The following XKR5 variants were observed in gnomAD, a reference collection of about 807,000 sequenced individuals.
The protein encoded by XKR5 is XK-related protein 5.
XKR5 carries 46 observed loss-of-function variants against 40.8 expected under a neutral mutation model. The observed-to-expected ratio is 1.13, with a 90% CI of 0.89 to 1.44. XKR5 has a LOEUF of 1.44. Among genes scored for constraint, XKR5 ranks in the 40% most tolerant of loss-of-function variants. The pLI, the probability that XKR5 is intolerant of heterozygous loss-of-function variation, is 0.00. For missense variants in XKR5, 1,169 were observed against 844.7 expected, an observed-to-expected ratio of 1.38 and a Z score of -4.76; for synonymous variants, 466 against 356.1, an observed-to-expected ratio of 1.31 and a Z score of -3.48.
intron 5 of XKR5, among the ~76,000 whole-genome samples, chr8:6,821,444 T>C (rs1279503865): frequency 1.3e-5 from 2 of 152,192 alleles, no homozygotes; most frequent in East Asian, 3.8e-4. Context: ...CTCAAAGCAA[T>C]CTGAAGAAGT....
chr8:6,826,662 C>G, intron 2 of XKR5, among the ~76,000 whole-genome samples: 1 of 152,114 alleles, frequency 6.6e-6, no homozygotes, highest in Middle Eastern at 3.2e-3. Flanking sequence ...ATGGGTGGAG[C>G]CCCCATAAGG....
chr8:6,829,050 C>T (rs924862841), intron 2 of XKR5: 22 of 152,424 alleles, frequency 1.4e-4, no homozygotes, highest in African/African-American at 5.3e-4. Flanking sequence ...TCGCAACAGC[C>T]TTCAAGCCTC....
At position 6,835,457 on chromosome 8, in the gene XKR5, G is replaced by A; in HGVS notation, c.37C>T (p.Gln13Ter). The change falls in exon 1 of 7, where the codon CAG becomes TAG. Residue 13 changes from glutamine (Q) to a stop codon, truncating the protein, a stop_gained. Coordinates refer to ENST00000618742, the MANE Select transcript of XKR5 (RefSeq NM_207411.5). LOFTEE classifies it high-confidence loss of function. ...TCACGCGCGCTCTGCTCGGCCGCCT[G>A]CAGCAGGGCCGAGAGCCCCAGGAGC... is the stretch of plus-strand genomic sequence containing the variant. ...ARLLGLSALL[Q>*]AAEQSARLYT... The A allele has an allele frequency of 6.7e-7, 1 of 1,498,852 alleles. No individual in the cohort carries two copies. The highest frequency in any genetic ancestry group is 8.8e-7 in the Non-Finnish European group (1 of 1,131,450). The allele number at this position is 1,498,852 out of a possible 1,614,324, so 92.8% of individuals were successfully genotyped here.
intron 2 of XKR5, among the ~76,000 whole-genome samples, chr8:6,828,781 T>G (rs1249596563): frequency 6.6e-6 from 1 of 152,200 alleles, no homozygotes; most frequent in Non-Finnish European, 1.5e-5. Context: ...ATTATTCCTT[T>G]GCTCAAACCC....
intron 3 of XKR5, 78 bp from the exon 4 acceptor site, chr8:6,823,808 A>C: frequency 8.1e-7 from 1 of 1,239,944 alleles, no homozygotes; most frequent in East Asian, 2.6e-5. Context: ...CACTCATGGC[A>C]TTTCTTTAAT....
At position 6,825,265 on chromosome 8, in the gene XKR5, C is replaced by T; in HGVS notation, c.327G>A (p.Leu109=). The change falls in exon 3 of 7, where the codon CTG becomes CTA. Residue 109 remains leucine (L), a synonymous_variant. Coordinates refer to ENST00000618742, the MANE Select transcript of XKR5 (RefSeq NM_207411.5). ...RGWLQLQEAD[L]SALRLLEALL... ...GGGCCTCCAAGAGTCGAAGGGCCGA[C>T]AGGTCGGCCTCCTGCAGCTGCAGCC... 1 of 1,612,016 alleles carries T rather than the reference C, an allele frequency of 6.2e-7. No homozygotes were observed. The highest frequency in any genetic ancestry group is 8.5e-7 in the Non-Finnish European group (1 of 1,179,282).
chr8:6,820,091 C>T (rs1055629835), intron 5 of XKR5, among the ~76,000 whole-genome samples: 7 of 152,196 alleles, frequency 4.6e-5, no homozygotes, highest in African/African-American at 1.4e-4. Flanking sequence ...GGGGGAGCCC[C>T]GGTGACTCTC....
rs1766510144 is a variant in XKR5, at chr8:6,811,574, G to A, written c.1685C>T (p.Thr562Ile). ...CCTTCCAGAGTGGGCCGTTTGCAGA[G>A]TAGCTGGGCTGCCTTCTTGTTGTGA... ...TSSQQEGSPA[T>I]LQTAHSGRRL... is the part of the protein sequence containing the mutation. Residue 562 changes from threonine (T) to isoleucine (I), a missense_variant, in exon 7 of 7, where the codon ACT (threonine) becomes ATT (isoleucine). Transcript: ENST00000618742. 2.6e-6 allele frequency: 4 copies of A among 1,537,230 alleles called. No individual in the cohort carries two copies. Among genetic ancestry groups the A allele is most frequent in the Non-Finnish European group, 2.6e-6 (3 of 1,146,870 alleles).
chr8:6,834,836 C>T (rs963027675), intron 1 of XKR5, among the ~76,000 whole-genome samples: 2 of 151,980 alleles, frequency 1.3e-5, no homozygotes, highest in African/African-American at 4.8e-5. Flanking sequence ...CTCTGGGTTC[C>T]CCCTGCGACG....
At chr8:6,818,916 C>A (rs1288255645) in intron 5 of XKR5, among the ~76,000 whole-genome samples, 1 of 152,204 alleles carries the variant, frequency 6.6e-6, no homozygotes, top group East Asian at 1.9e-4. Context: ...GTGGTATGCA[C>A]CCGTGATCCC....
chr8:6,812,247 C>G lies in XKR5; in HGVS notation c.1012G>C (p.Gly338Arg), dbSNP rs1327752031. The change falls in exon 7 of 7, where the codon GGA becomes CGA. Residue 338 changes from glycine to arginine, a missense_variant. Physicochemically the swap from Gly to Arg is moderately radical, Grantham distance 125. Coordinates refer to ENST00000618742, the MANE Select transcript of XKR5 (RefSeq NM_207411.5). The stretch of plus-strand genomic sequence containing the variant: ...TCTCTTCTCTCTGTTTTATCACCTC[C>G]TGCAATGCCACAGGACTTCCTTAGG... ...GCLRKSCGIAGGDKTERRDSP... is the reference protein window; with the variant it reads ...GCLRKSCGIARGDKTERRDSP... 2.6e-6 allele frequency: 4 copies of G among 1,553,006 alleles called. No individual in the cohort carries two copies. The highest frequency in any genetic ancestry group is 1.7e-4 in the Middle Eastern group (1 of 5,994).
intron 5 of XKR5, among the ~76,000 whole-genome samples, chr8:6,820,628 G>A (rs958467829): frequency 6.6e-6 from 1 of 152,214 alleles, no homozygotes; most frequent in Admixed American, 6.5e-5. Flanking sequence ...TTGGGAGGCT[G>A]CTCATGCATG....
At chr8:6,828,216 A>T (rs1489606815) in intron 2 of XKR5, among the ~76,000 whole-genome samples, 2 of 152,220 alleles carry the variant, frequency 1.3e-5, no homozygotes, top group African/African-American at 4.8e-5. Context: ...TGGTGGAATC[A>T]GAGTCACAGG....
intron 2 of XKR5, among the ~76,000 whole-genome samples, 179 bp from the exon 3 acceptor site, chr8:6,825,528 T>G (rs1804424924): frequency 6.6e-5 from 10 of 151,416 alleles, no homozygotes; most frequent in Admixed American, 4.6e-4. Flanking sequence ...GTCACTTCTA[T>G]GTAAGTTCCC....
intron 2 of XKR5, among the ~76,000 whole-genome samples, chr8:6,830,109 T>A (rs1192957733): frequency 1.3e-5 from 2 of 152,176 alleles, no homozygotes; most frequent in African/African-American, 4.8e-5. Context: ...AGTGCTGGGA[T>A]TACAGGCGTG....
At chr8:6,813,161 C>G (rs1046866644) in intron 6 of XKR5, among the ~76,000 whole-genome samples, 2 of 152,208 alleles carry the variant, frequency 1.3e-5, no homozygotes, top group Non-Finnish European at 2.9e-5. Flanking sequence ...CCCAAATCCT[C>G]TCTTGTGTCT....
At chr8:6,832,681 T>C (rs749736119) in intron 2 of XKR5, 36 bp downstream of exon 2, 3 of 1,609,240 alleles carry the variant, frequency 1.9e-6, no homozygotes, top group Admixed American at 1.7e-5. Flanking sequence ...ACTTGTGCAA[T>C]TGTGCTCCAG....
At chr8:6,813,809 C>A (rs1334919481) in intron 6 of XKR5, among the ~76,000 whole-genome samples, 1 of 152,246 alleles carries the variant, frequency 6.6e-6, no homozygotes, top group African/African-American at 2.4e-5. Context: ...GTGAAAATGT[C>A]TTCTCACTGG....
intron 6 of XKR5, among the ~76,000 whole-genome samples, chr8:6,813,081 T>A (rs1339838726): frequency 6.6e-6 from 1 of 152,196 alleles, no homozygotes; most frequent in Admixed American, 6.5e-5. Flanking sequence ...AAACCTGAAG[T>A]AATGCCTGAG....
Sources: allele counts gnomAD v4.1 joint callset (sites outside exome capture counted in the v4.1 genomes callset), GRCh38; gene constraint gnomAD v4.1.1; transcripts MANE v1.5; gene names NCBI Gene and HGNC (gene_info 2026-07-23, HGNC 2026-07-21).